Variants in CNTN3 observed in about 807,000 individuals in gnomAD.
CNTN3 encodes the protein contactin 3, also known as contactin-3.
A neutral mutation model predicts 119.1 loss-of-function variants in CNTN3; 60 were observed. That is an observed-to-expected ratio of 0.50 (90% CI 0.41 to 0.62). CNTN3 has a LOEUF of 0.62. CNTN3 is among the 20% of genes least tolerant of loss of function. The pLI is 0.00. For missense variants in CNTN3, 1,101 were observed against 1,242.4 expected (o/e 0.89, Z 1.71); for synonymous variants, 450 against 438.7 (o/e 1.03, Z -0.32).
chr3:74,345,295 G>C (rs551664767), intron 11 of CNTN3, among the ~76,000 whole-genome samples: 2 of 152,230 alleles, frequency 1.3e-5, no homozygotes, highest in South Asian at 4.1e-4. Flanking sequence ...GTCAAGCGCA[G>C]GTTCTGGTGG....
At chr3:74,272,530 C>T (rs1185842336) in intron 20 of CNTN3, among the ~76,000 whole-genome samples, 4 of 152,142 alleles carry the variant, frequency 2.6e-5, no homozygotes, top group Admixed American at 2.0e-4. Context: ...GGGAAAAAAA[C>T]ACCCTCCTGA....
intron 4 of CNTN3, among the ~76,000 whole-genome samples, chr3:74,430,760 T>G (rs1024249199): frequency 2.0e-5 from 3 of 152,082 alleles, no homozygotes; most frequent in Non-Finnish European, 4.4e-5. Flanking sequence ...AAATTAGAAC[T>G]AAATACACAT....
At chr3:74,469,387 G>C (rs1180777640) in intron 4 of CNTN3, among the ~76,000 whole-genome samples, 1 of 152,144 alleles carries the variant, frequency 6.6e-6, no homozygotes, top group Non-Finnish European at 1.5e-5. Context: ...TGACTCCAGA[G>C]ATTTAAAGAG....
chr3:74,577,146 C>A (rs539363924), intron 1 of CNTN3, among the ~76,000 whole-genome samples: 1 of 152,220 alleles, frequency 6.6e-6, no homozygotes, highest in Admixed American at 6.5e-5. Flanking sequence ...GTCATCACGA[C>A]CTAAATTTAG....
intron 3 of CNTN3, among the ~76,000 whole-genome samples, chr3:74,496,784 C>T (rs79480701): frequency 0.023 from 3,564 of 152,122 alleles, 50 homozygotes; most frequent in South Asian, 0.07. Context: ...GGGGCTCAGG[C>T]AGGGAACTGC....
chr3:74,409,364 T>C (rs918636682), intron 5 of CNTN3, among the ~76,000 whole-genome samples: 2 of 152,162 alleles, frequency 1.3e-5, no homozygotes, highest in Non-Finnish European at 1.5e-5. Flanking sequence ...ACCAATCAGG[T>C]AACTTCTCTA....
At chr3:74,533,479 A>G (rs1038903116) in intron 1 of CNTN3, among the ~76,000 whole-genome samples, 1 of 152,066 alleles carries the variant, frequency 6.6e-6, no homozygotes, top group South Asian at 2.1e-4. Flanking sequence ...AAACACTCAG[A>G]TTGAACATGT....
chr3:74,431,280 G>A (rs1030425078), intron 4 of CNTN3, among the ~76,000 whole-genome samples: 1 of 152,110 alleles, frequency 6.6e-6, no homozygotes, highest in Non-Finnish European at 1.5e-5. Flanking sequence ...CTGATATTCT[G>A]TGCTCAATCT....
chr3:74,369,113 C>T (rs1238389144), intron 8 of CNTN3, 76 bp downstream of exon 8: 3 of 1,136,990 alleles, frequency 2.6e-6, no homozygotes, highest in Middle Eastern at 4.1e-4. Context: ...TAATCTCTCA[C>T]CCCTAAATAA....
At chr3:74,348,698 C>A (rs1374961572) in intron 11 of CNTN3, among the ~76,000 whole-genome samples, 1 of 152,142 alleles carries the variant, frequency 6.6e-6, no homozygotes, top group African/African-American at 2.4e-5. Flanking sequence ...ACACACTGAG[C>A]AAATACTGCC....
At chr3:74,506,945 G>A (rs1703272401) in intron 2 of CNTN3, among the ~76,000 whole-genome samples, 1 of 152,096 alleles carries the variant, frequency 6.6e-6, no homozygotes, top group East Asian at 1.9e-4. Flanking sequence ...ATTTCTAACA[G>A]TTTCTATTCT....
chr3:74,301,494 G>T lies in CNTN3; in HGVS notation c.1999C>A (p.Pro667Thr), dbSNP rs754320954. The change falls in exon 16 of 23, where the codon CCA becomes ACA. Residue 667 changes from proline (P) to threonine (T), a missense_variant. Pro to Thr is a conservative substitution (Grantham distance 38). Coordinates refer to ENST00000263665, the MANE Select transcript of CNTN3 (RefSeq NM_020872.3). ...THTATVVELNPWVEYEFRVVA... is the reference protein window; with the variant it reads ...THTATVVELNTWVEYEFRVVA... ...ACCCGAAATTCATATTCCACCCATGGGTTTAACTCAACTACAGTGGCTGTG... is the reference window on the plus strand; with the variant it reads ...ACCCGAAATTCATATTCCACCCATGTGTTTAACTCAACTACAGTGGCTGTG... The T allele has an allele frequency of 6.2e-7, 1 of 1,614,074 alleles. No homozygotes were observed. The highest frequency in any genetic ancestry group is 8.5e-7 in the Non-Finnish European group (1 of 1,179,974).
chr3:74,450,714 C>T (rs1212032468), intron 4 of CNTN3, among the ~76,000 whole-genome samples: 9 of 143,368 alleles, frequency 6.3e-5, no homozygotes, highest in Non-Finnish European at 1.2e-4. Context: ...TTCCTGTGTC[C>T]ATGTGTTCTC....
intron 5 of CNTN3, among the ~76,000 whole-genome samples, chr3:74,374,819 T>G: frequency 6.6e-6 from 1 of 152,178 alleles, no homozygotes; most frequent in East Asian, 1.9e-4. Flanking sequence ...TTCTGCATCC[T>G]TCATTTAGGA....
At chr3:74,598,802 T>C (rs976774606) in intron 1 of CNTN3, among the ~76,000 whole-genome samples, 3 of 152,004 alleles carry the variant, frequency 2.0e-5, no homozygotes, top group African/African-American at 7.2e-5. Context: ...ATGTATGAAA[T>C]GTCTAGTAAG....
At chr3:74,288,165 T>C (rs1302168392) in intron 19 of CNTN3, among the ~76,000 whole-genome samples, 3 of 147,392 alleles carry the variant, frequency 2.0e-5, no homozygotes, top group Non-Finnish European at 3.0e-5. Context: ...TTTTCTTTTT[T>C]TTTTTTTTTT....
chr3:74,416,268 T>C (rs1701518836), intron 5 of CNTN3, among the ~76,000 whole-genome samples: 1 of 152,364 alleles, frequency 6.6e-6, no homozygotes, highest in Middle Eastern at 3.4e-3. Flanking sequence ...CATATTAAGA[T>C]GGTAGTATAT....
At chr3:74,380,485 C>T (rs1008131379) in intron 5 of CNTN3, among the ~76,000 whole-genome samples, 3 of 152,224 alleles carry the variant, frequency 2.0e-5, no homozygotes, top group Non-Finnish European at 2.9e-5. Context: ...AAGAAGCTTA[C>T]ATCTCATGGG....
At chr3:74,458,562 G>C (rs570462188) in intron 4 of CNTN3, among the ~76,000 whole-genome samples, 6 of 151,966 alleles carry the variant, frequency 3.9e-5, no homozygotes, top group Non-Finnish European at 7.4e-5. Flanking sequence ...GTAGCTATGA[G>C]ACCATATGGC....
Sources: gnomAD v4.1 joint callset for allele counts (sites outside exome capture counted in the v4.1 genomes callset) on GRCh38, gnomAD v4.1.1 for gene constraint, MANE v1.5 for transcripts, NCBI Gene and HGNC (gene_info 2026-07-23, HGNC 2026-07-21) for gene names.